Variants in CACNA2D4 observed in about 807,000 individuals in gnomAD.
CACNA2D4 encodes voltage-dependent calcium channel subunit alpha-2/delta-4.
In CACNA2D4, 157 loss-of-function variants were observed where a neutral mutation model predicts 163.8. The observed-to-expected ratio is 0.96, with a 90% CI of 0.84 to 1.09. The LOEUF (loss-of-function observed/expected upper bound fraction) is 1.09. CACNA2D4 is among the 50% of genes least tolerant of loss of function. CACNA2D4 has a pLI of 0.00. For missense variants in CACNA2D4, 1,410 were observed against 1,479.9 expected, an observed-to-expected ratio of 0.95 and a Z score of 0.78; for synonymous variants, 598 against 586.9, an observed-to-expected ratio of 1.02 and a Z score of -0.27.
intron 26 of CACNA2D4, chr12:1,831,496 A>G: frequency 6.2e-7 from 1 of 1,613,638 alleles, no homozygotes; most frequent in Non-Finnish European, 8.5e-7. Flanking sequence ...CGTGAGTTCA[A>G]ACACTGGATG....
At chr12:1,825,777 T>C (rs1410241534) in intron 26 of CACNA2D4, among the ~76,000 whole-genome samples, 1 of 152,216 alleles carries the variant, frequency 6.6e-6, no homozygotes. Flanking sequence ...GGGCCACTGC[T>C]GGGTGACAGT....
At chr12:1,855,921 G>T in intron 22 of CACNA2D4, 91 bp downstream of exon 22, 1 of 909,414 alleles carries the variant, frequency 1.1e-6, no homozygotes, top group Non-Finnish European at 1.8e-6. Flanking sequence ...CTGTGCAGCA[G>T]CCTCCCCCTG....
At chr12:1,905,637 T>A (rs1234171163) in intron 6 of CACNA2D4, among the ~76,000 whole-genome samples, 1 of 152,148 alleles carries the variant, frequency 6.6e-6, no homozygotes, top group Non-Finnish European at 1.5e-5. Context: ...AGGAATTAAC[T>A]TAACCAATGA....
Position 1,874,891 on chromosome 12 carries a change from C to A in CACNA2D4, c.1807-216G>T, listed in dbSNP as rs574333036. Among the ~76,000 whole-genome samples the A allele has an allele frequency of 6.6e-6, 1 of 152,186 alleles. No homozygotes were observed. Among genetic ancestry groups the A allele is most frequent in the Non-Finnish European group, 1.5e-5 (1 of 68,034 alleles). ...CACCAAGATCCCACTCCCATGTGCA[C>A]TGATGCATTGGGGTACAGAGTGCCA... On this transcript the variant is annotated intron_variant, in intron 17 of 37. Coordinates refer to ENST00000382722, the MANE Select transcript of CACNA2D4 (RefSeq NM_172364.5). The surrounding 1 kb of genome is among the most constrained non-coding windows in gnomAD (Gnocchi z 4.4).
rs541466650 is a variant in CACNA2D4, at chr12:1,861,343, C to T, written c.1879-1137G>A. Among the ~76,000 whole-genome samples the T allele has an allele frequency of 9.9e-5, 15 of 152,238 alleles. No individual in the cohort carries two copies. The South Asian group carries it at 3.1e-3, about 32-fold the overall frequency. ...TGTAGCTTCTCTCTATTGCAGCGGT[C>T]GTGGGATGTCCTGGAAGATGTCTTG... On this transcript the variant is annotated intron_variant, in intron 18 of 37. Transcript: ENST00000382722.
chr12:1,871,615 G>C (rs531988103), intron 18 of CACNA2D4, among the ~76,000 whole-genome samples: 5 of 151,026 alleles, frequency 3.3e-5, no homozygotes, highest in Non-Finnish European at 7.4e-5. Context: ...TATGCCGCTC[G>C]TGTGTGCATG....
At chr12:1,808,126 G>A (rs1333742925) in intron 29 of CACNA2D4, among the ~76,000 whole-genome samples, 2 of 152,314 alleles carry the variant, frequency 1.3e-5, no homozygotes, top group East Asian at 3.9e-4. Context: ...AAGTGGCCCA[G>A]TGGGTTATGA....
At chr12:1,837,932 A>G (rs776621366) in intron 26 of CACNA2D4, among the ~76,000 whole-genome samples, 13 of 152,048 alleles carry the variant, frequency 8.5e-5, no homozygotes, top group South Asian at 2.1e-4. Context: ...ACTGAGGCTG[A>G]CCTCTCAGGA....
In CACNA2D4 at chr12:1,887,037, T is replaced by G; in HGVS notation, c.814A>C (p.Ile272Leu). 3 of 1,595,164 alleles carry G rather than the reference T, an allele frequency of 1.9e-6. No individual in the cohort carries two copies. The highest frequency in any genetic ancestry group is 1.7e-6 in the Non-Finnish European group (2 of 1,168,092). Residue 272 changes from isoleucine to leucine, a missense_variant, in exon 7 of 38, where the codon ATT becomes CTT. Ile to Leu is a conservative substitution (Grantham distance 5). Transcript: ENST00000382722. ...CCGCGGTTTCGGCAGTCAAAAGTAA[T>G]GACTCCATTCTCATCAGGTGTCCAT... The part of the protein sequence containing the change: ...IKWTPDENGV[I>L]TFDCRNRGWY...
At position 1,833,509 on chromosome 12, in the gene CACNA2D4, C is replaced by T. The variant is rs1054234803; in HGVS notation, c.2551+7230G>A. Among the ~76,000 whole-genome samples, 2 of 152,176 alleles carry T rather than the reference C, an allele frequency of 1.3e-5. No individual in the cohort carries two copies. The highest frequency in any genetic ancestry group is 1.3e-4 in the Admixed American group (2 of 15,284). On this transcript the variant is annotated intron_variant, in intron 26 of 37. Coordinates refer to ENST00000382722, the MANE Select transcript of CACNA2D4 (RefSeq NM_172364.5). The surrounding 1 kb of genome is among the most constrained non-coding windows in gnomAD (Gnocchi z 4.2). Reference sequence around the variant, plus strand: ...GCGAGCCCGTGCGCCCAGGTACCCACACCTCCTCATCAACACCAGCCTCCT... The same window carrying T: ...GCGAGCCCGTGCGCCCAGGTACCCATACCTCCTCATCAACACCAGCCTCCT...
chr12:1,853,075 T>C (rs1865321074), intron 23 of CACNA2D4, among the ~76,000 whole-genome samples: 1 of 152,172 alleles, frequency 6.6e-6, no homozygotes, highest in Admixed American at 6.5e-5. Flanking sequence ...TACACCAACA[T>C]GTTAGGGTGA....
intron 6 of CACNA2D4, among the ~76,000 whole-genome samples, chr12:1,896,464 A>C (rs1459618205): frequency 1.3e-5 from 2 of 152,170 alleles, no homozygotes; most frequent in Non-Finnish European, 2.9e-5. Context: ...CTCAAAAGAC[A>C]TGAATAGACA....
At chr12:1,823,130 C>T (rs777939541) in intron 26 of CACNA2D4, 2 of 152,454 alleles carry the variant, frequency 1.3e-5, no homozygotes, top group African/African-American at 4.8e-5. Flanking sequence ...AGTGGGCACA[C>T]CCTAGGGCTA....
Position 1,853,977 on chromosome 12 carries a change from C to A in CACNA2D4, c.2220G>T (p.Trp740Cys). 6.2e-7 allele frequency: 1 copy of A among 1,613,414 alleles called. No individual in the cohort carries two copies. Among genetic ancestry groups the A allele is most frequent in the Non-Finnish European group, 8.5e-7 (1 of 1,179,598 alleles). Residue 740 changes from tryptophan to cysteine, a missense_variant, in exon 23 of 38, where the codon TGG (tryptophan) becomes TGT (cysteine). Trp to Cys is a radical substitution (Grantham distance 215). Coordinates refer to ENST00000382722, the MANE Select transcript of CACNA2D4 (RefSeq NM_172364.5). Reference protein sequence around the residue: ...AVVTAPMEAYWTALALNMSEE... With the variant: ...AVVTAPMEAYCTALALNMSEE... ...CGGACATGTTGAGGGCCAGCGCTGT[C>A]CAGTAGGCTTCCATGGGGGCTGTCA...
Position 1,797,456 on chromosome 12 carries a change from C to T in CACNA2D4, c.3075G>A (p.Arg1025=). The T allele has an allele frequency of 1.9e-6, 3 of 1,579,532 alleles. No homozygotes were observed. Among genetic ancestry groups the T allele is most frequent in the East Asian group, 2.3e-5 (1 of 43,202 alleles). The change falls in exon 35 of 38, where the codon CGG becomes CGA. Residue 1025 remains arginine, a synonymous_variant. Transcript: ENST00000382722. ...YPVFVYQPAI[R]EANGIVECGP... ...CGCACTCCACGATCCCGTTGGCCTC[C>T]CGGATGGCCGGCTGGTACACGAACA...
chr12:1,887,391 A>T (rs1866174865), intron 6 of CACNA2D4, among the ~76,000 whole-genome samples: 1 of 152,230 alleles, frequency 6.6e-6, no homozygotes, highest in Admixed American at 6.5e-5. Flanking sequence ...GACTTTTAAC[A>T]TCCATTACCA....
At chr12:1,794,795 A>C (rs1381796731) in intron 37 of CACNA2D4, among the ~76,000 whole-genome samples, 2 of 152,106 alleles carry the variant, frequency 1.3e-5, no homozygotes. Context: ...TCATTGATTA[A>C]ATCTTTGGCC....
At chr12:1,887,285 A>G (rs1402964491) in intron 6 of CACNA2D4, among the ~76,000 whole-genome samples, 5 of 152,206 alleles carry the variant, frequency 3.3e-5, no homozygotes, top group Non-Finnish European at 5.9e-5. Context: ...AGCTGGGGGT[A>G]ATTTCACAGG....
At chr12:1,819,900 A>C (rs756110966) in intron 26 of CACNA2D4, among the ~76,000 whole-genome samples, 2 of 152,104 alleles carry the variant, frequency 1.3e-5, no homozygotes, top group Non-Finnish European at 2.9e-5. Flanking sequence ...TGCTTCCCTA[A>C]GTAGTCCTGG....
Sources: allele counts gnomAD v4.1 joint callset (sites outside exome capture counted in the v4.1 genomes callset), GRCh38; gene constraint gnomAD v4.1.1; non-coding constraint Gnocchi (gnomAD v3.1); transcripts MANE v1.5; gene names NCBI Gene and HGNC (gene_info 2026-07-23, HGNC 2026-07-21).